CNTN5: variants seen among roughly 807,000 people sequenced by gnomAD.
The protein encoded by CNTN5 is contactin-5.
A neutral mutation model predicts 129.1 loss-of-function variants in CNTN5; 77 were observed. The observed-to-expected ratio is 0.60, with a 90% CI of 0.50 to 0.72. CNTN5 has a LOEUF of 0.72. Ranked by LOEUF, CNTN5 falls within the 30% of genes least tolerant of loss-of-function variation. The pLI is 0.00. For synonymous variants in CNTN5, 509 were observed against 465.6 expected, an observed-to-expected ratio of 1.09 and a Z score of -1.20; for missense variants, 1,478 against 1,328.8, an observed-to-expected ratio of 1.11 and a Z score of -1.75.
At chr11:99,632,492 G>C (rs529962946) in intron 3 of CNTN5, among the ~76,000 whole-genome samples, 1 of 152,128 alleles carries the variant, frequency 6.6e-6, no homozygotes, top group African/African-American at 2.4e-5. Flanking sequence ...AAATCTAAGG[G>C]TTGTGTCTTA....
In CNTN5 at chr11:99,965,229, T is replaced by G. The variant is rs563366919; in HGVS notation, c.877+8220T>G. ...TTTTGAATGTGTTTGCTCTTGCTTT[T>G]CTAGTTCTTTTAATTGTGATGTTAG... On this transcript the variant is annotated intron_variant, in intron 8 of 24. Transcript: ENST00000524871. Among the ~76,000 whole-genome samples, 633 of 152,320 alleles carry G rather than the reference T, an allele frequency of 4.2e-3. 5 individuals are homozygous for G. The highest frequency in any genetic ancestry group is 0.014 in the African/African-American group (596 of 41,572).
rs570363527 is a variant in CNTN5, at chr11:99,912,135, G to A, written c.578-3919G>A. On this transcript the variant is annotated intron_variant, in intron 6 of 24. Coordinates refer to ENST00000524871, the MANE Select transcript of CNTN5 (RefSeq NM_014361.4). The stretch of plus-strand genomic sequence containing the variant: ...AAGAGTAACTGAAGAATGTCAAGAA[G>A]GAAGGAAGACAAGGCAAAAAGGAAG... Among the ~76,000 whole-genome samples, 25 of 151,700 alleles carry A rather than the reference G, an allele frequency of 1.6e-4. 1 individual carries two copies. In the South Asian group the frequency reaches 4.8e-3, roughly 29 times the overall value.
intron 13 of CNTN5, among the ~76,000 whole-genome samples, chr11:100,185,284 C>G (rs918492104): frequency 6.6e-6 from 1 of 152,040 alleles, no homozygotes. Context: ...CTCAACTTCC[C>G]TAAGTCTAAG....
intron 1 of CNTN5, among the ~76,000 whole-genome samples, chr11:99,285,352 G>T (rs1174475930): frequency 1.3e-5 from 2 of 152,042 alleles, no homozygotes; most frequent in African/African-American, 4.8e-5. Flanking sequence ...TACTCCTAGG[G>T]TTTTTCTTTT....
intron 6 of CNTN5, among the ~76,000 whole-genome samples, chr11:99,911,738 TAA>T (rs34582552): frequency 0.28 from 41,263 of 146,780 alleles, 6,291 homozygotes; most frequent in Non-Finnish European, 0.36. Flanking sequence ...CTCAGGAGGT[TAA>T]AAAAAAAAAA....
At chr11:99,886,127 A>T (rs959715843) in intron 6 of CNTN5, among the ~76,000 whole-genome samples, 5 of 152,110 alleles carry the variant, frequency 3.3e-5, no homozygotes, top group African/African-American at 1.2e-4. Context: ...AAACATTTAG[A>T]TAAAACATAT....
At chr11:99,573,002 T>A (rs1172957907) in intron 3 of CNTN5, among the ~76,000 whole-genome samples, 1 of 152,176 alleles carries the variant, frequency 6.6e-6, no homozygotes, top group Non-Finnish European at 1.5e-5. Flanking sequence ...GGACTATTTT[T>A]AAATTTAAAA....
rs144562839 is a variant in CNTN5 at position 100,294,606 on chromosome 11, C to G, written c.2315-3019C>G. Reference sequence around the variant, plus strand: ...CAGTAGTTGACTGAGGAAGAAGAGTCTAGCTGCTTAATCCTGGATTCAAAT... The same window carrying G: ...CAGTAGTTGACTGAGGAAGAAGAGTGTAGCTGCTTAATCCTGGATTCAAAT... On this transcript the variant is annotated intron_variant, in intron 18 of 24. Coordinates refer to ENST00000524871, the MANE Select transcript of CNTN5 (RefSeq NM_014361.4). 2.7e-3 allele frequency among the ~76,000 whole-genome samples: 406 copies of G among 151,696 alleles called. 1 individual carries two copies. The highest frequency in any genetic ancestry group is 4.4e-3 in the Non-Finnish European group (300 of 67,666).
intron 8 of CNTN5, among the ~76,000 whole-genome samples, chr11:99,992,178 T>C (rs1939145971): frequency 6.6e-6 from 1 of 152,156 alleles, no homozygotes; most frequent in South Asian, 2.1e-4. Flanking sequence ...ATTCTCAAGG[T>C]TTACTGGACA....
intron 2 of CNTN5, among the ~76,000 whole-genome samples, chr11:99,553,983 C>CACACACAT (rs1312920992): frequency 6.7e-6 from 1 of 148,930 alleles, no homozygotes; most frequent in Non-Finnish European, 1.5e-5. Context: ...CACACACACA[C>CACACACAT]ACACACACAC....
intron 3 of CNTN5, among the ~76,000 whole-genome samples, chr11:99,593,902 T>C (rs1052579926): frequency 1.3e-5 from 2 of 152,218 alleles, no homozygotes; most frequent in African/African-American, 4.8e-5. Context: ...ATCACTGGAA[T>C]GTGCCAATTA....
intron 1 of CNTN5, among the ~76,000 whole-genome samples, chr11:99,312,668 G>C (rs564436518): frequency 6.6e-6 from 1 of 152,190 alleles, no homozygotes; most frequent in African/African-American, 2.4e-5. Flanking sequence ...ATTGCTGTAA[G>C]ACAATTCAGA....
At chr11:99,409,341 G>A (rs1049763974) in intron 2 of CNTN5, among the ~76,000 whole-genome samples, 3 of 152,094 alleles carry the variant, frequency 2.0e-5, no homozygotes, top group Admixed American at 6.5e-5. Context: ...GGTGGCAGGC[G>A]CCTGTGGTCC....
chr11:100,348,190 C>G (rs1468240078), intron 23 of CNTN5, among the ~76,000 whole-genome samples: 1 of 9,182 alleles, frequency 1.1e-4, no homozygotes, highest in Non-Finnish European at 1.7e-4. Context: ...TCCTTACTGT[C>G]AATAACTATT....
In CNTN5 at chr11:99,331,899, CA is replaced by C. The variant is rs1187614862; in HGVS notation, c.-71+6416del. Among the ~76,000 whole-genome samples, 3 of 152,156 alleles carry C rather than the reference CA, an allele frequency of 2.0e-5. 1 individual carries two copies. The highest frequency in any genetic ancestry group is 2.0e-4 in the Admixed American group (3 of 15,248). ...GGCCTTAAGACACAATGCATATTTC[CA>C]TGAGCCATGTTGCTCTTTTTTCACC... On this transcript the variant is annotated intron_variant, in intron 2 of 24. Transcript: ENST00000524871.
rs577977830 is a variant in CNTN5 at position 99,740,729 on chromosome 11, T to G, written c.56-78815T>G. 4.1e-4 allele frequency among the ~76,000 whole-genome samples: 62 copies of G among 152,304 alleles called. 1 individual carries two copies. Among genetic ancestry groups the G allele is most frequent in the African/African-American group, 1.3e-3 (56 of 41,578 alleles). On this transcript the variant is annotated intron_variant, in intron 3 of 24. Transcript: ENST00000524871. ...CAGCAACTCATTCAGTGATACATAT[T>G]TGCTGGATATGCATGAAACACTCTA...
chr11:99,746,883 T>G (rs769433129), intron 3 of CNTN5, among the ~76,000 whole-genome samples: 1 of 152,216 alleles, frequency 6.6e-6, no homozygotes, highest in Admixed American at 6.5e-5. Context: ...TTCTTTTACT[T>G]AAGATTACTT....
intron 3 of CNTN5, among the ~76,000 whole-genome samples, chr11:99,720,051 C>CA (rs1044276137): frequency 1.5e-4 from 23 of 151,612 alleles, no homozygotes; most frequent in South Asian, 8.3e-4. Context: ...CCGACAACAA[C>CA]AAAAAAAACC....
At chr11:99,407,559 G>C (rs530325410) in intron 2 of CNTN5, among the ~76,000 whole-genome samples, 1 of 152,152 alleles carries the variant, frequency 6.6e-6, no homozygotes, top group Non-Finnish European at 1.5e-5. Context: ...AGCCATCCCA[G>C]CTGGTGTCTC....
Sources: allele counts gnomAD v4.1 joint callset (sites outside exome capture counted in the v4.1 genomes callset), GRCh38; gene constraint gnomAD v4.1.1; transcripts MANE v1.5; gene names NCBI Gene and HGNC (gene_info 2026-07-23, HGNC 2026-07-21).